The following KLHL2 variants were observed in gnomAD, a reference collection of about 807,000 sequenced individuals.
KLHL2 encodes kelch-like protein 2.
KLHL2 carries 15 observed loss-of-function variants against 75.8 expected under a neutral mutation model. The observed-to-expected ratio is 0.20, with a 90% CI of 0.13 to 0.30. The LOEUF is 0.30. Among genes scored for constraint, KLHL2 ranks in the 10% least tolerant of loss-of-function variants. The pLI, the probability that KLHL2 is intolerant of heterozygous loss-of-function variation, is 1.00. For synonymous variants in KLHL2, 214 were observed against 251.9 expected (o/e 0.85, Z 1.42); for missense variants, 381 against 741.0 (o/e 0.51, Z 5.64).
intron 6 of KLHL2, among the ~76,000 whole-genome samples, chr4:165,295,871 T>A (rs1456291461): frequency 6.6e-6 from 1 of 152,196 alleles, no homozygotes; most frequent in Non-Finnish European, 1.5e-5. Context: ...TTCTCAGCTA[T>A]GTTAAAGAAA....
At chr4:165,210,130 C>T in intron 1 of KLHL2, 1 of 1,551,678 alleles carries the variant, frequency 6.4e-7, no homozygotes, top group South Asian at 1.2e-5. Flanking sequence ...ATGACCTGGA[C>T]TTAAAGTGCC....
rs192884282 is a variant in KLHL2, at chr4:165,306,098, T to C, written c.1039+373T>C. 9.5e-3 allele frequency among the ~76,000 whole-genome samples: 1,444 copies of C among 152,354 alleles called. 12 individuals carry two copies. The highest frequency in any genetic ancestry group is 0.022 in the South Asian group (107 of 4,832). On this transcript the variant is annotated intron_variant, in intron 9 of 14. Coordinates refer to ENST00000226725, the MANE Select transcript of KLHL2 (RefSeq NM_007246.4). ...CCCTCAGTTATAAGGCATAATTGCC[T>C]TCTTCAAGGCATCTGTTTTACAAAC...
chr4:165,228,618 C>T (rs1738640917), intron 2 of KLHL2, among the ~76,000 whole-genome samples, 189 bp from the exon 3 acceptor site: 1 of 152,126 alleles, frequency 6.6e-6, no homozygotes, highest in Non-Finnish European at 1.5e-5. Context: ...GAGTCCAAGG[C>T]ATGTTGGACC....
At chr4:165,231,627 G>C (rs1186053729) in intron 3 of KLHL2, among the ~76,000 whole-genome samples, 2 of 152,134 alleles carry the variant, frequency 1.3e-5, no homozygotes, top group Non-Finnish European at 2.9e-5. Flanking sequence ...CATTCTCTGT[G>C]GATAGACTGC....
At chr4:165,250,013 A>G (rs1138852) in intron 4 of KLHL2, among the ~76,000 whole-genome samples, 4 of 152,182 alleles carry the variant, frequency 2.6e-5, no homozygotes, top group African/African-American at 9.6e-5. Context: ...GGTCCCAGCT[A>G]CTAGGGAGGC....
In KLHL2 at chr4:165,278,707, C is replaced by T. The variant is rs369028605; in HGVS notation, c.544+15348C>T. The T allele has an allele frequency of 3.4e-5, 54 of 1,603,860 alleles. No homozygotes were observed. In the African/African-American group the frequency reaches 4.4e-4, roughly 13 times the overall value. On this transcript the variant is annotated intron_variant, in intron 5 of 14. Transcript: ENST00000226725. ...CAGAACCTTCCAAAGCGTAATATAC[C>T]GGTTTGTCTCTGCCAAGTTTGTAAG...
intron 1 of KLHL2, chr4:165,210,010 C>A: frequency 6.6e-7 from 1 of 1,514,560 alleles, no homozygotes; most frequent in Non-Finnish European, 8.9e-7. Flanking sequence ...AGGAACTTTA[C>A]CGGGCCTCAC....
chr4:165,280,362 C>G (rs893106425), intron 5 of KLHL2, among the ~76,000 whole-genome samples: 2 of 152,204 alleles, frequency 1.3e-5, no homozygotes, highest in African/African-American at 4.8e-5. Context: ...ACAGTTTCTT[C>G]TACAGAAAAT....
chr4:165,260,599 A>G (rs1378194125), intron 4 of KLHL2, among the ~76,000 whole-genome samples: 1 of 152,128 alleles, frequency 6.6e-6, no homozygotes, highest in African/African-American at 2.4e-5. Context: ...ATATGTTAGC[A>G]TAATATACCA....
intron 2 of KLHL2, among the ~76,000 whole-genome samples, chr4:165,227,182 G>A (rs981605878): frequency 6.6e-6 from 1 of 152,004 alleles, no homozygotes; most frequent in Non-Finnish European, 1.5e-5. Flanking sequence ...ACTCCAATAC[G>A]GGACCTGCTT....
At chr4:165,276,588 T>G (rs1743129659) in intron 5 of KLHL2, among the ~76,000 whole-genome samples, 1 of 152,128 alleles carries the variant, frequency 6.6e-6, no homozygotes, top group Non-Finnish European at 1.5e-5. Flanking sequence ...GAAGCTAGAT[T>G]AGGTGACTTC....
At chr4:165,220,257 T>C (rs1181414601) in intron 2 of KLHL2, among the ~76,000 whole-genome samples, 198 bp downstream of exon 2, 1 of 152,152 alleles carries the variant, frequency 6.6e-6, no homozygotes, top group Non-Finnish European at 1.5e-5. Context: ...CCTCTATTAG[T>C]GTGGTAGCCG....
intron 14 of KLHL2, 29 bp downstream of exon 14, chr4:165,317,998 G>C: frequency 3.1e-6 from 5 of 1,601,924 alleles, no homozygotes; most frequent in Non-Finnish European, 4.3e-6. Context: ...GTCAATTTCC[G>C]TACAAAAAGA....
At chr4:165,279,706 G>T (rs1441241892) in intron 5 of KLHL2, 9 of 1,318,892 alleles carry the variant, frequency 6.8e-6, no homozygotes, top group African/African-American at 4.3e-5. Flanking sequence ...GCGGCGGGAG[G>T]GGGAGGGGAG....
chr4:165,303,406 C>T (rs1331206060), intron 8 of KLHL2, among the ~76,000 whole-genome samples: 1 of 150,102 alleles, frequency 6.7e-6, no homozygotes, highest in Non-Finnish European at 1.5e-5. Context: ...CAACTATTGT[C>T]TCTTGGGCAG....
intron 8 of KLHL2, among the ~76,000 whole-genome samples, chr4:165,303,749 G>A (rs944125948): frequency 1.4e-4 from 21 of 151,554 alleles, no homozygotes; most frequent in Non-Finnish European, 4.4e-5. Flanking sequence ...TTTTGGTAGA[G>A]ACGGGGTTTC....
chr4:165,291,428 C>A (rs541274739), intron 5 of KLHL2, among the ~76,000 whole-genome samples: 21 of 148,828 alleles, frequency 1.4e-4, no homozygotes, highest in African/African-American at 4.6e-4. Context: ...GTTAAATTTT[C>A]TCCTATGTTA....
At chr4:165,255,698 T>C (rs1189086302) in intron 4 of KLHL2, among the ~76,000 whole-genome samples, 1 of 152,114 alleles carries the variant, frequency 6.6e-6, no homozygotes, top group African/African-American at 2.4e-5. Context: ...GATCTGCCTT[T>C]CTTGTCACTA....
chr4:165,243,872 C>T (rs1360797489), intron 4 of KLHL2, among the ~76,000 whole-genome samples: 1 of 152,178 alleles, frequency 6.6e-6, no homozygotes, highest in Non-Finnish European at 1.5e-5. Flanking sequence ...AAAAGCCAGC[C>T]AAAGTAGGGA....
Sources: allele counts gnomAD v4.1 joint callset (sites outside exome capture counted in the v4.1 genomes callset), GRCh38; gene constraint gnomAD v4.1.1; transcripts MANE v1.5; gene names NCBI Gene and HGNC (gene_info 2026-07-23, HGNC 2026-07-21).